Variants in SLC39A10 observed in about 807,000 individuals in gnomAD.
SLC39A10 encodes solute carrier family 39 member 10.
Under a neutral mutation model 65.1 loss-of-function variants are expected in SLC39A10, and 13 were observed. The observed-to-expected ratio is 0.20, with a 90% CI of 0.13 to 0.32. The LOEUF (loss-of-function observed/expected upper bound fraction) is 0.32, where lower values mean the gene tolerates loss of function less well. SLC39A10 is among the 10% of genes least tolerant of loss of function. The pLI is 1.00. For missense variants in SLC39A10, 831 were observed against 1,018.4 expected, an observed-to-expected ratio of 0.82 and a Z score of 2.50; for synonymous variants, 321 against 342.2, an observed-to-expected ratio of 0.94 and a Z score of 0.68.
intron 2 of SLC39A10, among the ~76,000 whole-genome samples, chr2:195,629,531 C>T (rs950481059): frequency 2.0e-5 from 3 of 152,092 alleles, no homozygotes; most frequent in Admixed American, 6.6e-5. Context: ...GACACTGCTT[C>T]TACACCAGCA....
intron 1 of SLC39A10, among the ~76,000 whole-genome samples, chr2:195,675,991 C>T (rs1690071824): frequency 6.7e-6 from 1 of 150,282 alleles, no homozygotes; most frequent in Non-Finnish European, 1.5e-5. Flanking sequence ...ATTTGAATTG[C>T]CTAGATTATT....
intron 2 of SLC39A10, among the ~76,000 whole-genome samples, chr2:195,645,311 A>C (rs1047750758): frequency 6.6e-6 from 1 of 152,122 alleles, no homozygotes; most frequent in African/African-American, 2.4e-5. Flanking sequence ...TAATCTCAAA[A>C]CTGTTCCAGC....
intron 2 of SLC39A10, among the ~76,000 whole-genome samples, chr2:195,631,755 AC>A (rs1310777390): frequency 6.6e-6 from 1 of 152,186 alleles, no homozygotes; most frequent in East Asian, 1.9e-4. Context: ...ATGCACAACT[AC>A]TACTATATGT....
At chr2:195,653,721 G>A (rs1348113392), upstream of SLC39A10, among the ~76,000 whole-genome samples, 1 of 152,248 alleles carries the variant, frequency 6.6e-6, no homozygotes, top group African/African-American at 2.4e-5. Context: ...TGACCATTCA[G>A]TTAGTTGGGA....
At chr2:195,616,275 T>A (rs926262752) in intron 2 of SLC39A10, among the ~76,000 whole-genome samples, 1 of 151,312 alleles carries the variant, frequency 6.6e-6, no homozygotes. Context: ...GATTTTAAAC[T>A]GATATTTTAA....
At chr2:195,666,180 A>G (rs902961474) in intron 1 of SLC39A10, among the ~76,000 whole-genome samples, 4 of 152,222 alleles carry the variant, frequency 2.6e-5, no homozygotes, top group Admixed American at 6.5e-5. Context: ...TTAATTGGAC[A>G]GAAAGCTCCC....
chr2:195,716,651 G>A lies in SLC39A10; in HGVS notation c.1711G>A (p.Val571Ile), dbSNP rs1224065546. 23 of 1,605,228 alleles carry A rather than the reference G, an allele frequency of 1.4e-5. No homozygotes were observed. Among genetic ancestry groups the A allele is most frequent in the Non-Finnish European group, 1.9e-5 (22 of 1,176,222 alleles). Reference sequence around the variant, plus strand: ...TATAAATACAGGAACTGATGACTCGGTTGTTTCTGAAGATCGACTTAATGA... The same window carrying A: ...TATAAATACAGGAACTGATGACTCGATTGTTTCTGAAGATCGACTTAATGA... The part of the protein sequence containing the change: ...LKPLAGTDDS[V>I]VSEDRLNETE... Residue 571 changes from valine (V) to isoleucine (I), a missense_variant, in exon 7 of 10, where the codon GTT becomes ATT. Physicochemically the swap from Val to Ile is conservative, Grantham distance 29. Around this residue, in one of 4 missense-constraint regions of SLC39A10, gnomAD observed 230 missense variants for 242.9 expected, o/e 0.95. Transcript: ENST00000359634.
intron 3 of SLC39A10, among the ~76,000 whole-genome samples, chr2:195,691,404 G>A (rs1007673803): frequency 6.6e-6 from 1 of 152,058 alleles, no homozygotes; most frequent in Non-Finnish European, 1.5e-5. Context: ...TGGATCAAAT[G>A]GTAGATCTAC....
At chr2:195,709,046 A>G (rs1451707265) in intron 5 of SLC39A10, among the ~76,000 whole-genome samples, 1 of 151,960 alleles carries the variant, frequency 6.6e-6, no homozygotes, top group East Asian at 1.9e-4. Context: ...TTTTTTTGAG[A>G]CAGGGTCTCC....
At chr2:195,719,845 C>T (rs1306925296) in intron 8 of SLC39A10, among the ~76,000 whole-genome samples, 2 of 145,020 alleles carry the variant, frequency 1.4e-5, no homozygotes, top group African/African-American at 2.6e-5. Context: ...GGATGGAGTA[C>T]AATGGTGTGA....
chr2:195,706,993 T>C (rs1216604705), intron 4 of SLC39A10, among the ~76,000 whole-genome samples: 1 of 152,124 alleles, frequency 6.6e-6, no homozygotes, highest in Non-Finnish European at 1.5e-5. Context: ...TTGCTTTCAA[T>C]AGTCTTTAAA....
At chr2:195,686,776 CCTT>C (rs886190382) in intron 3 of SLC39A10, among the ~76,000 whole-genome samples, 19 of 152,302 alleles carry the variant, frequency 1.2e-4, no homozygotes, top group Admixed American at 1.1e-3. Context: ...ATAGTATTCT[CCTT>C]CTACAACATA....
At chr2:195,651,484 T>C (rs1689030062) in intron 2 of SLC39A10, among the ~76,000 whole-genome samples, 1 of 146,176 alleles carries the variant, frequency 6.8e-6, no homozygotes. Context: ...CCCAAATCTC[T>C]TTTTTTTTGA....
intron 3 of SLC39A10, among the ~76,000 whole-genome samples, chr2:195,686,120 A>G (rs1195998359): frequency 6.6e-6 from 1 of 152,180 alleles, no homozygotes. Flanking sequence ...AATGATGTAT[A>G]TGAATATGGA....
rs919856719 is a variant in SLC39A10, at chr2:195,630,740, AATT to A, written c.-12+24511_-12+24513del. Among the ~76,000 whole-genome samples the A allele has an allele frequency of 6.9e-4, 105 of 152,326 alleles. 1 individual carries two copies. Among genetic ancestry groups the A allele is most frequent in the African/African-American group, 2.2e-3 (90 of 41,574 alleles). ...ACCAAAAGGAAGAATTTGAGGAAGAAATTATTTTCACACGACTACTGGAAGAAC... is the reference window on the plus strand; with the variant it reads ...ACCAAAAGGAAGAATTTGAGGAAGAAATTTTCACACGACTACTGGAAGAAC... On this transcript the variant is annotated intron_variant, in intron 2 of 2. Coordinates refer to the SLC39A10 transcript ENST00000458054.
At position 195,633,429 on chromosome 2, in the gene SLC39A10, T is replaced by C. The variant is rs559992465; in HGVS notation, c.-12+27196T>C. Among the ~76,000 whole-genome samples, 247 of 151,944 alleles carry C rather than the reference T, an allele frequency of 1.6e-3. 1 individual carries two copies. The highest frequency in any genetic ancestry group is 3.6e-3 in the African/African-American group (148 of 41,446). On this transcript the variant is annotated intron_variant, in intron 2 of 2. Coordinates refer to the SLC39A10 transcript ENST00000458054. ...GATGACCCCTGAAGCCCCAGAAGAG[T>C]GGTACAGTGAGGCTCTTTTAGTTTT...
chr2:195,663,819 G>A (rs1268525475), intron 1 of SLC39A10, among the ~76,000 whole-genome samples: 1 of 145,658 alleles, frequency 6.9e-6, no homozygotes, highest in South Asian at 2.1e-4. Context: ...TTTTATTTTA[G>A]ATTCAGGGGG....
chr2:195,679,623 C>T (rs1321958954), intron 1 of SLC39A10, among the ~76,000 whole-genome samples: 1 of 152,112 alleles, frequency 6.6e-6, no homozygotes, highest in East Asian at 1.9e-4. Context: ...CAGTAATTTT[C>T]TGTCAATAAT....
intron 3 of SLC39A10, among the ~76,000 whole-genome samples, chr2:195,684,891 A>G (rs1216086424): frequency 6.6e-6 from 1 of 152,214 alleles, no homozygotes; most frequent in Admixed American, 6.5e-5. Context: ...CATTTTGTTA[A>G]TACATACTTT....
Sources: gnomAD v4.1 joint callset for allele counts (sites outside exome capture counted in the v4.1 genomes callset) on GRCh38, gnomAD v4.1.1 for gene constraint, gnomAD v4.1.1 regional missense constraint, MANE v1.5 for transcripts, NCBI Gene and HGNC (gene_info 2026-07-23, HGNC 2026-07-21) for gene names.